WDR17: variants seen among roughly 807,000 people sequenced by gnomAD.
The protein encoded by WDR17 is WD repeat-containing protein 17.
In WDR17, 143 loss-of-function variants were observed where a neutral mutation model predicts 161.7. That is an observed-to-expected ratio of 0.88 (90% CI 0.77 to 1.02). WDR17 has a LOEUF of 1.02. Ranked by LOEUF, WDR17 falls within the 50% of genes least tolerant of loss-of-function variation. WDR17 has a pLI of 0.00. For synonymous variants in WDR17, 517 were observed against 515.6 expected (o/e 1.00, Z -0.04); for missense variants, 1,469 against 1,520.9 (o/e 0.97, Z 0.57).
At chr4:176,087,703 C>G (rs1735593474) in intron 1 of WDR17, among the ~76,000 whole-genome samples, 1 of 152,022 alleles carries the variant, frequency 6.6e-6, no homozygotes, top group Admixed American at 6.6e-5. Flanking sequence ...TGATTTTGGC[C>G]TATACCATTT....
intron 1 of WDR17, among the ~76,000 whole-genome samples, chr4:176,079,654 A>G (rs995453934): frequency 3.2e-4 from 48 of 152,146 alleles, no homozygotes; most frequent in African/African-American, 1.1e-3. Flanking sequence ...TGTTGTCTTC[A>G]TACATTTTCT....
At chr4:176,131,796 C>G (rs1743501292) in intron 7 of WDR17, 58 bp downstream of exon 7, 1 of 1,272,704 alleles carries the variant, frequency 7.9e-7, no homozygotes, top group Admixed American at 2.8e-5. Context: ...AACCCATGAT[C>G]TTTACTTTTA....
chr4:176,163,238 G>T lies in WDR17; in HGVS notation c.2935G>T (p.Ala979Ser). Residue 979 changes from alanine (A) to serine (S), a missense_variant, in exon 22 of 29, where the codon GCA becomes TCA. Coordinates refer to ENST00000508596, the MANE Select transcript of WDR17 (RefSeq NM_181265.4). ...AGTACTAGGAGAGTCTGCAGCACCA[G>T]CAACCCACTATGCCTTAGAATTACT... ...GTVLGESAAPATHYALELLAR... is the reference protein window; with the variant it reads ...GTVLGESAAPSTHYALELLAR... 6.2e-7 allele frequency: 1 copy of T among 1,613,790 alleles called. No homozygotes were observed.
rs200749221 is a variant in WDR17, at chr4:176,160,075, C to T, written c.2607C>T (p.Val869=). ...CCATTGGTGATGTGAAAAAGCTAGTCCATTTTTTCATGTCAAGAGGTCAGC... is the reference window on the plus strand; with the variant it reads ...CCATTGGTGATGTGAAAAAGCTAGTTCATTTTTTCATGTCAAGAGGTCAGC... ...CIAIGDVKKL[V]HFFMSRGQLK... The change falls in exon 19 of 29, where the codon GTC becomes GTT. Residue 869 remains valine, a synonymous_variant. Transcript: ENST00000508596. 6.6e-5 allele frequency: 107 copies of T among 1,613,718 alleles called. No individual in the cohort carries two copies. Among genetic ancestry groups the T allele is most frequent in the Non-Finnish European group, 8.9e-5 (105 of 1,179,862 alleles).
intron 1 of WDR17, among the ~76,000 whole-genome samples, chr4:176,078,193 A>G (rs868006595): frequency 1.1e-4 from 16 of 152,098 alleles, no homozygotes; most frequent in African/African-American, 3.6e-4. Context: ...TGGATAGTGG[A>G]TTGTTTTTAG....
intron 28 of WDR17, among the ~76,000 whole-genome samples, chr4:176,178,489 T>C (rs1220607276): frequency 6.6e-6 from 1 of 152,196 alleles, no homozygotes; most frequent in Non-Finnish European, 1.5e-5. Context: ...CATCTGACCT[T>C]GACCTAAAAG....
At chr4:176,117,437 T>C (rs989023961) in intron 3 of WDR17, among the ~76,000 whole-genome samples, 6 of 152,078 alleles carry the variant, frequency 3.9e-5, no homozygotes, top group African/African-American at 1.2e-4. Flanking sequence ...TGTTGCACGA[T>C]ATTATTGTTC....
chr4:176,075,584 T>G (rs193046264), intron 1 of WDR17, among the ~76,000 whole-genome samples: 58 of 152,332 alleles, frequency 3.8e-4, no homozygotes, highest in Non-Finnish European at 6.3e-4. Context: ...TTAAAAAGAC[T>G]GTAATTTTAT....
chr4:176,087,693 T>C (rs1735592729), intron 1 of WDR17, among the ~76,000 whole-genome samples: 2 of 152,184 alleles, frequency 1.3e-5, no homozygotes, highest in Non-Finnish European at 2.9e-5. Context: ...CTCTATGCAT[T>C]GATTTTGGCC....
chr4:176,127,924 G>C (rs770991384), intron 5 of WDR17, among the ~76,000 whole-genome samples: 2 of 152,002 alleles, frequency 1.3e-5, no homozygotes, highest in African/African-American at 4.8e-5. Context: ...TTTGTTTCTG[G>C]CTTCTTTCAC....
chr4:176,168,314 G>A (rs928219837), intron 22 of WDR17, among the ~76,000 whole-genome samples: 1 of 152,134 alleles, frequency 6.6e-6, no homozygotes, highest in Non-Finnish European at 1.5e-5. Flanking sequence ...AAAAGTTGAC[G>A]AGAGTTAACT....
intron 18 of WDR17, among the ~76,000 whole-genome samples, chr4:176,157,587 T>G (rs34939592): frequency 0.22 from 33,147 of 152,096 alleles, 3,790 homozygotes; most frequent in South Asian, 0.27. Flanking sequence ...CTTAAGAAAG[T>G]CAAGTTAGCA....
chr4:176,139,268 GAA>G (rs1227374010), intron 9 of WDR17, among the ~76,000 whole-genome samples: 1 of 151,840 alleles, frequency 6.6e-6, no homozygotes, highest in Non-Finnish European at 1.5e-5. Flanking sequence ...CACCGTTGAT[GAA>G]TGACATTCTC....
At chr4:176,114,823 G>A (rs945659785) in intron 2 of WDR17, among the ~76,000 whole-genome samples, 6 of 151,722 alleles carry the variant, frequency 4.0e-5, no homozygotes, top group Admixed American at 1.3e-4. Context: ...TCAGACCTCA[G>A]TAGGAGAATG....
At chr4:176,125,489 T>A in intron 5 of WDR17, 134 bp downstream of exon 5, 1 of 1,080,554 alleles carries the variant, frequency 9.3e-7, no homozygotes, top group Non-Finnish European at 1.3e-6. Flanking sequence ...TGTAGTAAAT[T>A]ACTAGTGTAC....
At chr4:176,154,579 A>G (rs1281612128) in intron 17 of WDR17, among the ~76,000 whole-genome samples, 2 of 152,192 alleles carry the variant, frequency 1.3e-5, no homozygotes, top group East Asian at 3.8e-4. Context: ...TCTATTAGAC[A>G]TGTTTCTATT....
At chr4:176,123,945 A>G (rs886670841) in intron 4 of WDR17, among the ~76,000 whole-genome samples, 11 of 152,198 alleles carry the variant, frequency 7.2e-5, no homozygotes, top group Admixed American at 4.6e-4. Context: ...TAGTCAACTC[A>G]TTAGCATACA....
intron 1 of WDR17, among the ~76,000 whole-genome samples, chr4:176,075,399 T>A (rs1019078837): frequency 1.3e-5 from 2 of 152,114 alleles, no homozygotes; most frequent in Non-Finnish European, 2.9e-5. Flanking sequence ...CTCTAGTACC[T>A]AGGAAAACAA....
chr4:176,160,042 C>T lies in WDR17; in HGVS notation c.2574C>T (p.Tyr858=). The part of the protein sequence containing the change: ...IQEDKDDVIP[Y]CIAIGDVKKL... ...AAGATAAGGATGATGTCATTCCATA[C>T]TGCATAGCCATTGGTGATGTGAAAA... is the stretch of plus-strand genomic sequence containing the variant. Residue 858 remains tyrosine (Y), a synonymous_variant, in exon 19 of 29, where the codon TAC becomes TAT. Transcript: ENST00000508596. The T allele has an allele frequency of 6.2e-7, 1 of 1,613,402 alleles. No individual in the cohort carries two copies. The highest frequency in any genetic ancestry group is 8.5e-7 in the Non-Finnish European group (1 of 1,179,516).
Sources: gnomAD v4.1 joint callset for allele counts (sites outside exome capture counted in the v4.1 genomes callset) on GRCh38, gnomAD v4.1.1 for gene constraint, MANE v1.5 for transcripts, NCBI Gene and HGNC (gene_info 2026-07-23, HGNC 2026-07-21) for gene names.